Variants in BRINP3 observed in about 807,000 individuals in gnomAD.
The protein encoded by BRINP3 is BMP/retinoic acid inducible neural specific 3.
In BRINP3, 19 loss-of-function variants were observed where a neutral mutation model predicts 71.0. The observed-to-expected ratio is 0.27, with a 90% CI of 0.19 to 0.39. The LOEUF is 0.39. Ranked by LOEUF, BRINP3 falls within the 10% of genes least tolerant of loss-of-function variation. The pLI, the probability that BRINP3 is intolerant of heterozygous loss-of-function variation, is 1.00. For synonymous variants in BRINP3, 380 were observed against 337.7 expected, an observed-to-expected ratio of 1.13 and a Z score of -1.37; for missense variants, 959 against 940.8, an observed-to-expected ratio of 1.02 and a Z score of -0.25.
chr1:190,436,674 C>A (rs1309177782), intron 2 of BRINP3, among the ~76,000 whole-genome samples: 1 of 151,594 alleles, frequency 6.6e-6, no homozygotes, highest in Non-Finnish European at 1.5e-5. Flanking sequence ...TACAATTTAA[C>A]AAATAATTAA....
intron 2 of BRINP3, among the ~76,000 whole-genome samples, chr1:190,358,565 G>T (rs891870657): frequency 2.6e-5 from 4 of 152,136 alleles, no homozygotes; most frequent in African/African-American, 4.8e-5. Context: ...CTGTTGGTGG[G>T]ACTGTAAACT....
chr1:190,421,500 C>G (rs1302307780), intron 2 of BRINP3, among the ~76,000 whole-genome samples: 2 of 151,328 alleles, frequency 1.3e-5, no homozygotes, highest in Admixed American at 6.6e-5. Flanking sequence ...CTATATATAA[C>G]TATGACCATA....
intron 4 of BRINP3, among the ~76,000 whole-genome samples, chr1:190,259,615 AAAAT>A (rs144685496): frequency 0.6 from 84,066 of 139,522 alleles, 26,528 homozygotes; most frequent in Non-Finnish European, 0.71. Flanking sequence ...AATTAGGCAA[AAAAT>A]AAATAAATAA....
At position 190,160,883 on chromosome 1, in the gene BRINP3, G is replaced by A; in HGVS notation, c.969C>T (p.Phe323=). ...YNSDFEESDE[F]KLFMKRLPMN... ...TAGGTAGCCTTTTCATAAATAACTT[G>A]AATTCATCTGAAAAATGTCAAAATT... Residue 323 remains phenylalanine, a synonymous_variant, in exon 7 of 8, where the codon TTC becomes TTT. Coordinates refer to ENST00000367462, the MANE Select transcript of BRINP3 (RefSeq NM_199051.3). 6.3e-7 allele frequency: 1 copy of A among 1,586,826 alleles called. No homozygotes were observed. The highest frequency in any genetic ancestry group is 8.6e-7 in the Non-Finnish European group (1 of 1,166,984).
At chr1:190,170,231 G>T (rs1170431050) in intron 6 of BRINP3, among the ~76,000 whole-genome samples, 1 of 151,904 alleles carries the variant, frequency 6.6e-6, no homozygotes, top group African/African-American at 2.4e-5. Context: ...TAGGATTATT[G>T]ACAGACCAAC....
At chr1:190,276,158 T>A (rs994360780) in intron 3 of BRINP3, among the ~76,000 whole-genome samples, 1 of 151,634 alleles carries the variant, frequency 6.6e-6, no homozygotes, top group Admixed American at 6.6e-5. Flanking sequence ...ACAATATATA[T>A]TCTGAGAGAA....
intron 2 of BRINP3, among the ~76,000 whole-genome samples, chr1:190,355,907 C>T (rs1209824994): frequency 3.3e-5 from 5 of 151,924 alleles, no homozygotes; most frequent in African/African-American, 9.6e-5. Context: ...ATTTCTAAGC[C>T]AAATCCCTAG....
At chr1:190,230,073 A>G (rs1657815417) in intron 5 of BRINP3, among the ~76,000 whole-genome samples, 1 of 151,998 alleles carries the variant, frequency 6.6e-6, no homozygotes, top group Non-Finnish European at 1.5e-5. Flanking sequence ...TAGACATTTA[A>G]GAGATAATTA....
chr1:190,187,122 T>C (rs1653600155), intron 6 of BRINP3, among the ~76,000 whole-genome samples: 1 of 152,160 alleles, frequency 6.6e-6, no homozygotes, highest in Non-Finnish European at 1.5e-5. Flanking sequence ...TCCCTGATGA[T>C]CAGTGATGTT....
At chr1:190,439,236 A>G (rs1274553869) in intron 2 of BRINP3, among the ~76,000 whole-genome samples, 1 of 151,898 alleles carries the variant, frequency 6.6e-6, no homozygotes, top group African/African-American at 2.4e-5. Context: ...AGTGTTGCTC[A>G]TAAGTAGGCA....
intron 2 of BRINP3, among the ~76,000 whole-genome samples, chr1:190,297,654 C>A (rs1308766350): frequency 6.6e-6 from 1 of 151,256 alleles, no homozygotes; most frequent in South Asian, 2.1e-4. Context: ...ATTTTTTCTT[C>A]TTTACACCGT....
chr1:190,218,259 T>G (rs1192074758), intron 6 of BRINP3, among the ~76,000 whole-genome samples: 1 of 152,034 alleles, frequency 6.6e-6, no homozygotes, highest in Non-Finnish European at 1.5e-5. Context: ...CAGGTAAGCT[T>G]TGCTTGTTTT....
At chr1:190,338,350 A>C (rs1057127559) in intron 2 of BRINP3, among the ~76,000 whole-genome samples, 2 of 152,030 alleles carry the variant, frequency 1.3e-5, no homozygotes, top group African/African-American at 2.4e-5. Context: ...TGGATATTGA[A>C]AGAAATGTAA....
intron 7 of BRINP3, among the ~76,000 whole-genome samples, chr1:190,146,092 T>C (rs953455420): frequency 2.6e-5 from 4 of 152,062 alleles, no homozygotes; most frequent in Admixed American, 6.6e-5. Flanking sequence ...AGACCACACA[T>C]TGGGTACAGT....
rs560423960 is a variant in BRINP3, at chr1:190,347,711, A to G, written c.237-65961T>C. Reference sequence around the variant, plus strand: ...ACTAATGCTATAAATTTTTATTCTTATTTTTTTCTCCAGTAAACATAAGGA... The same window carrying G: ...ACTAATGCTATAAATTTTTATTCTTGTTTTTTTCTCCAGTAAACATAAGGA... On this transcript the variant is annotated intron_variant, in intron 2 of 7. Transcript: ENST00000367462. 7.0e-4 allele frequency among the ~76,000 whole-genome samples: 107 copies of G among 152,078 alleles called. 1 individual carries two copies. Among genetic ancestry groups the G allele is most frequent in the African/African-American group, 2.6e-3 (106 of 41,504 alleles).
intron 2 of BRINP3, among the ~76,000 whole-genome samples, chr1:190,329,055 C>T (rs1305261267): frequency 6.6e-6 from 1 of 151,938 alleles, no homozygotes; most frequent in African/African-American, 2.4e-5. Flanking sequence ...GACAAACCCA[C>T]GGTAAATATA....
At chr1:190,150,957 C>T (rs953429865) in intron 7 of BRINP3, among the ~76,000 whole-genome samples, 1 of 152,002 alleles carries the variant, frequency 6.6e-6, no homozygotes, top group African/African-American at 2.4e-5. Context: ...AAGACCACCA[C>T]ATCCTCAGAA....
In BRINP3 at chr1:190,286,734, A is replaced by G. The variant is rs56884561; in HGVS notation, c.237-4984T>C. ...CACAATAGAATCTTAAAATAAATAT[A>G]TTACCTAAGCATTCATGTCTACTGG... On this transcript the variant is annotated intron_variant, in intron 2 of 7. Coordinates refer to ENST00000367462, the MANE Select transcript of BRINP3 (RefSeq NM_199051.3). Among the ~76,000 whole-genome samples, 624 of 152,240 alleles carry G rather than the reference A, an allele frequency of 4.1e-3. 8 individuals are homozygous for G. The highest frequency in any genetic ancestry group is 0.014 in the African/African-American group (587 of 41,542).
intron 2 of BRINP3, among the ~76,000 whole-genome samples, chr1:190,358,044 A>C (rs897081385): frequency 6.6e-6 from 1 of 152,174 alleles, no homozygotes; most frequent in Non-Finnish European, 1.5e-5. Flanking sequence ...TTAGACCTAA[A>C]ACCATAAAAA....
Sources: allele counts gnomAD v4.1 joint callset (sites outside exome capture counted in the v4.1 genomes callset), GRCh38; gene constraint gnomAD v4.1.1; transcripts MANE v1.5; gene names NCBI Gene and HGNC (gene_info 2026-07-23, HGNC 2026-07-21).